IKZF2: variants seen among roughly 807,000 people sequenced by gnomAD.
IKZF2 encodes the protein IKAROS family zinc finger 2.
Under a neutral mutation model 49.2 loss-of-function variants are expected in IKZF2, and 15 were observed. The ratio of observed to expected loss-of-function variants is 0.30; its 90% CI spans 0.20 to 0.47. IKZF2 has a LOEUF of 0.47. IKZF2 is among the 20% of genes least tolerant of loss of function. IKZF2 has a pLI of 1.00. For synonymous variants in IKZF2, 227 were observed against 221.4 expected (o/e 1.03, Z -0.23); for missense variants, 567 against 664.6 (o/e 0.85, Z 1.61).
At chr2:213,096,082 G>A (rs1705947992) in intron 4 of IKZF2, among the ~76,000 whole-genome samples, 1 of 151,612 alleles carries the variant, frequency 6.6e-6, no homozygotes, top group Non-Finnish European at 1.5e-5. Flanking sequence ...TGGAGAAGAG[G>A]GTATAGCTGA....
intron 4 of IKZF2, among the ~76,000 whole-genome samples, chr2:213,091,628 T>C (rs1271566407): frequency 6.6e-6 from 1 of 152,104 alleles, no homozygotes; most frequent in Non-Finnish European, 1.5e-5. Context: ...GAATTAGAGA[T>C]GTTAACCAAG....
At chr2:213,101,451 TAAAGA>T (rs1331279676) in intron 4 of IKZF2, among the ~76,000 whole-genome samples, 9 of 152,098 alleles carry the variant, frequency 5.9e-5, no homozygotes, top group South Asian at 4.2e-4. Context: ...GTAGTCTGCC[TAAAGA>T]AAACACTAGG....
At chr2:213,018,404 C>T (rs147699975) in intron 7 of IKZF2, among the ~76,000 whole-genome samples, 2,233 of 152,214 alleles carry the variant, frequency 0.015, 33 homozygotes, top group Non-Finnish European at 0.018. Context: ...ATCAACTTTT[C>T]TAAGACCATT....
At chr2:213,110,418 T>A (rs2059664976) in intron 4 of IKZF2, among the ~76,000 whole-genome samples, 1 of 151,854 alleles carries the variant, frequency 6.6e-6, no homozygotes. Flanking sequence ...GGGTTTTTTT[T>A]ACCCAACTTA....
intron 4 of IKZF2, among the ~76,000 whole-genome samples, chr2:213,070,656 T>C (rs1333606088): frequency 6.6e-6 from 1 of 152,106 alleles, no homozygotes; most frequent in Non-Finnish European, 1.5e-5. Context: ...TATAGTCTGG[T>C]TGGGGATACA....
chr2:213,032,202 A>G (rs1698506655), intron 6 of IKZF2, among the ~76,000 whole-genome samples: 1 of 152,214 alleles, frequency 6.6e-6, no homozygotes, highest in Non-Finnish European at 1.5e-5. Flanking sequence ...TTAAATGAAT[A>G]ATCCAAATTA....
chr2:213,084,895 G>A (rs1243884743), intron 4 of IKZF2, among the ~76,000 whole-genome samples: 1 of 152,154 alleles, frequency 6.6e-6, no homozygotes, highest in African/African-American at 2.4e-5. Flanking sequence ...TCAAGGTCCA[G>A]TTTCAATGTG....
chr2:213,139,651 A>C (rs2060798880), intron 4 of IKZF2, among the ~76,000 whole-genome samples: 1 of 152,002 alleles, frequency 6.6e-6, no homozygotes, highest in African/African-American at 2.4e-5. Context: ...GTTTAATGTC[A>C]GTCAACCTTG....
At chr2:213,021,436 T>C (rs942426142) in intron 7 of IKZF2, 27 of 168,170 alleles carry the variant, frequency 1.6e-4, no homozygotes, top group Non-Finnish European at 2.9e-4. Context: ...GAATTATTCA[T>C]TGATAAACCT....
At chr2:213,091,258 TG>T (rs750268692) in intron 4 of IKZF2, among the ~76,000 whole-genome samples, 163 of 152,302 alleles carry the variant, frequency 1.1e-3, no homozygotes, top group South Asian at 4.1e-3. Context: ...TTATTGTTGA[TG>T]GAATTATTAA....
chr2:213,020,800 C>T (rs776501069), intron 7 of IKZF2, among the ~76,000 whole-genome samples: 1 of 152,062 alleles, frequency 6.6e-6, no homozygotes, highest in Non-Finnish European at 1.5e-5. Context: ...CAGAAAACCC[C>T]AGAAATAATC....
chr2:213,136,923 G>T lies in IKZF2; in HGVS notation c.139+10785C>A, dbSNP rs1360428892. Among the ~76,000 whole-genome samples, 3 of 151,964 alleles carry T rather than the reference G, an allele frequency of 2.0e-5. No homozygotes were observed. The East Asian group carries it at 5.8e-4, about 29-fold the overall frequency. ...TACATAGAGTTGTATGAAATCAATT[G>T]TCTAGTTAACTATAGCTTCTCTGGC... On this transcript the variant is annotated intron_variant, in intron 4 of 8. Transcript: ENST00000434687.
intron 4 of IKZF2, among the ~76,000 whole-genome samples, chr2:213,080,993 G>C (rs768460599): frequency 6.6e-6 from 1 of 151,950 alleles, no homozygotes; most frequent in Non-Finnish European, 1.5e-5. Flanking sequence ...AGTTTTTTTA[G>C]TATAAATCTA....
At chr2:213,147,928 A>G in intron 3 of IKZF2, 116 bp from the exon 4 acceptor site, 1 of 694,930 alleles carries the variant, frequency 1.4e-6, no homozygotes, top group Non-Finnish European at 2.5e-6. Context: ...AAGGTAATAC[A>G]TTTTTCCCTT....
At chr2:213,072,296 G>GTTTTTTTTTT (rs377550534) in intron 4 of IKZF2, among the ~76,000 whole-genome samples, 5 of 144,550 alleles carry the variant, frequency 3.5e-5, no homozygotes, top group South Asian at 2.2e-4. Context: ...CCTTTCCTTT[G>GTTTTTTTTTT]TTTTTTTTTT....
At chr2:213,151,848 A>T, upstream of IKZF2, among the ~76,000 whole-genome samples, 1 of 149,524 alleles carries the variant, frequency 6.7e-6, no homozygotes, top group African/African-American at 2.4e-5. Context: ...TGTGTATGAG[A>T]GCGCGTGTGC....
intron 4 of IKZF2, among the ~76,000 whole-genome samples, chr2:213,108,977 A>G (rs1045939316): frequency 9.9e-5 from 15 of 152,054 alleles, no homozygotes; most frequent in South Asian, 4.1e-4. Flanking sequence ...AGATCCTACT[A>G]TATAAACTTG....
At chr2:213,060,943 G>A (rs1701621612) in intron 4 of IKZF2, among the ~76,000 whole-genome samples, 1 of 151,442 alleles carries the variant, frequency 6.6e-6, no homozygotes, top group African/African-American at 2.4e-5. Flanking sequence ...GATAAAAAGT[G>A]CCACATATTT....
intron 3 of IKZF2, 26 bp downstream of exon 3, chr2:213,148,570 A>T (rs1398118570): frequency 1.3e-6 from 2 of 1,570,498 alleles, no homozygotes; most frequent in Admixed American, 1.7e-5. Context: ...ATTACCAATA[A>T]CAAATCAATG....
Sources: allele counts gnomAD v4.1 joint callset (sites outside exome capture counted in the v4.1 genomes callset), GRCh38; gene constraint gnomAD v4.1.1; transcripts MANE v1.5; gene names NCBI Gene and HGNC (gene_info 2026-07-23, HGNC 2026-07-21).